The following FARP1 variants were observed in gnomAD, a reference collection of about 807,000 sequenced individuals.
FARP1 encodes the protein FERM, ARHGEF and pleckstrin domain-containing protein 1.
A neutral mutation model predicts 128.8 loss-of-function variants in FARP1; 52 were observed. The observed-to-expected ratio is 0.40, with a 90% CI of 0.32 to 0.51. The LOEUF is 0.51. Among genes scored for constraint, FARP1 ranks in the 20% least tolerant of loss-of-function variants. The pLI, the probability that FARP1 is intolerant of heterozygous loss-of-function variation, is 0.45. For missense variants in FARP1, 1,333 were observed against 1,367.9 expected, an observed-to-expected ratio of 0.97 and a Z score of 0.40; for synonymous variants, 580 against 551.8, an observed-to-expected ratio of 1.05 and a Z score of -0.72.
At chr13:98,438,053 C>G (rs1892357112) in intron 19 of FARP1, among the ~76,000 whole-genome samples, 1 of 152,128 alleles carries the variant, frequency 6.6e-6, no homozygotes, top group Non-Finnish European at 1.5e-5. Flanking sequence ...GTGAGTCCAC[C>G]AAGGCCACAC....
intron 1 of FARP1, among the ~76,000 whole-genome samples, chr13:98,183,664 T>C (rs546989280): frequency 2.0e-5 from 3 of 152,316 alleles, no homozygotes; most frequent in African/African-American, 7.2e-5. Context: ...TGTGTTCTTA[T>C]TCAGTGGTCG....
At chr13:98,231,312 A>C (rs528895206) in intron 2 of FARP1, among the ~76,000 whole-genome samples, 2 of 152,130 alleles carry the variant, frequency 1.3e-5, no homozygotes, top group Admixed American at 6.5e-5. Context: ...TAAAAAAAAA[A>C]TACTCTGGAC....
intron 1 of FARP1, among the ~76,000 whole-genome samples, chr13:98,154,244 A>G: frequency 6.6e-6 from 1 of 152,228 alleles, no homozygotes; most frequent in East Asian, 1.9e-4. Flanking sequence ...ACTCTCACAT[A>G]CAGATTTTGA....
In FARP1 at chr13:98,418,852, A is replaced by G. The variant is rs537714752; in HGVS notation, c.1827-5720A>G. On this transcript the variant is annotated intron_variant, in intron 16 of 26. Transcript: ENST00000319562. ...AGGAATGATACCGGGGCTCACCTGG[A>G]TGCTATCAAACCTGCCTGTGACCGG... is the stretch of plus-strand genomic sequence containing the variant. Among the ~76,000 whole-genome samples, 230 of 152,286 alleles carry G rather than the reference A, an allele frequency of 1.5e-3. 2 individuals are homozygous for G. The highest frequency in any genetic ancestry group is 5.4e-3 in the African/African-American group (226 of 41,546).
chr13:98,316,944 A>G lies in FARP1; in HGVS notation c.172-26818A>G, dbSNP rs7328257. ...TTACACGTTCTCAGTAGGTTAGGAA[A>G]GTTTAGGAAGGAACACCTGTGAGGC... On this transcript the variant is annotated intron_variant, in intron 2 of 26. Coordinates refer to ENST00000319562, the MANE Select transcript of FARP1 (RefSeq NM_005766.4). Among the ~76,000 whole-genome samples the G allele has an allele frequency of 8.3e-3, 1,265 of 152,288 alleles. 19 individuals are homozygous for G. Among genetic ancestry groups the G allele is most frequent in the African/African-American group, 0.027 (1,102 of 41,540 alleles).
chr13:98,239,348 C>T (rs1462588352), intron 2 of FARP1, among the ~76,000 whole-genome samples: 2 of 152,226 alleles, frequency 1.3e-5, no homozygotes, highest in African/African-American at 4.8e-5. Flanking sequence ...AGGGCAAACA[C>T]TGGCTCCACT....
intron 17 of FARP1, among the ~76,000 whole-genome samples, chr13:98,430,570 C>G (rs1891971316): frequency 6.6e-6 from 1 of 152,212 alleles, no homozygotes; most frequent in Admixed American, 6.5e-5. Context: ...AGGAGGGGCT[C>G]ACATAGCTGC....
intron 13 of FARP1, chr13:98,405,261 A>G (rs1423867615): frequency 6.6e-6 from 1 of 152,256 alleles, no homozygotes. Flanking sequence ...AGAGGGAAGA[A>G]TGATGAGCGT....
Position 98,290,976 on chromosome 13 carries a change from A to G in FARP1, c.172-52786A>G, listed in dbSNP as rs145103971. ...GAACTTGAAATTTGAAAGGATGCAC[A>G]TCTCTGATTATATAAGTAAATATTA... On this transcript the variant is annotated intron_variant, in intron 2 of 26. Coordinates refer to ENST00000319562, the MANE Select transcript of FARP1 (RefSeq NM_005766.4). Among the ~76,000 whole-genome samples, 870 of 152,284 alleles carry G rather than the reference A, an allele frequency of 5.7e-3. 4 individuals are homozygous for G. The highest frequency in any genetic ancestry group is 9.8e-3 in the Non-Finnish European group (670 of 68,022).
chr13:98,293,246 C>A (rs1366180333), intron 2 of FARP1, among the ~76,000 whole-genome samples: 1 of 152,096 alleles, frequency 6.6e-6, no homozygotes, highest in East Asian at 1.9e-4. Flanking sequence ...TGGCTGAGAC[C>A]AGGCATGCTG....
intron 2 of FARP1, chr13:98,244,792 A>G (rs1882972844): frequency 6.4e-7 from 1 of 1,563,426 alleles, no homozygotes; most frequent in Non-Finnish European, 8.6e-7. Context: ...AGGTGACATT[A>G]ACACATTTCA....
At chr13:98,307,340 T>A (rs555242662) in intron 2 of FARP1, among the ~76,000 whole-genome samples, 1 of 152,308 alleles carries the variant, frequency 6.6e-6, no homozygotes, top group African/African-American at 2.4e-5. Context: ...GATTCTGTTA[T>A]GGATGGAGTT....
intron 2 of FARP1, among the ~76,000 whole-genome samples, chr13:98,241,560 T>C (rs1882774550): frequency 6.6e-6 from 1 of 152,056 alleles, no homozygotes; most frequent in African/African-American, 2.4e-5. Flanking sequence ...CAGCAGGATC[T>C]CTTGAGGCCA....
chr13:98,276,904 GA>G (rs1212528868), intron 2 of FARP1, among the ~76,000 whole-genome samples: 1 of 151,558 alleles, frequency 6.6e-6, no homozygotes, highest in Non-Finnish European at 1.5e-5. Flanking sequence ...AAAAGGGGAA[GA>G]CCACAATAGC....
intron 2 of FARP1, chr13:98,244,990 AG>A: frequency 8.5e-7 from 1 of 1,176,742 alleles, no homozygotes; most frequent in Non-Finnish European, 1.1e-6. Context: ...GTTTGCCACT[AG>A]GGGAAGATTC....
intron 1 of FARP1, among the ~76,000 whole-genome samples, chr13:98,198,348 A>T (rs1215623930): frequency 2.6e-5 from 4 of 152,180 alleles, no homozygotes; most frequent in Non-Finnish European, 2.9e-5. Context: ...AGCAACCACA[A>T]TGTTTTTCTG....
At chr13:98,169,394 G>A (rs1194408063) in intron 1 of FARP1, among the ~76,000 whole-genome samples, 1 of 152,148 alleles carries the variant, frequency 6.6e-6, no homozygotes, top group East Asian at 1.9e-4. Flanking sequence ...TTCTCAGAAA[G>A]GTAAAGAAGC....
intron 1 of FARP1, among the ~76,000 whole-genome samples, chr13:98,173,175 T>C (rs1434725078): frequency 2.0e-5 from 3 of 152,222 alleles, no homozygotes; most frequent in Admixed American, 1.3e-4. Context: ...TTCAGCTTTA[T>C]ACATAGCTCT....
intron 2 of FARP1, among the ~76,000 whole-genome samples, chr13:98,336,012 T>C (rs1594416728): frequency 6.6e-6 from 1 of 152,164 alleles, no homozygotes; most frequent in African/African-American, 2.4e-5. Context: ...GGTCAAACAT[T>C]ATCAAGTTCT....
Sources: gnomAD v4.1 joint callset for allele counts (sites outside exome capture counted in the v4.1 genomes callset) on GRCh38, gnomAD v4.1.1 for gene constraint, MANE v1.5 for transcripts, NCBI Gene and HGNC (gene_info 2026-07-23, HGNC 2026-07-21) for gene names.